Variants in BCAR3 observed in about 807,000 individuals in gnomAD.
BCAR3 encodes breast cancer anti-estrogen resistance protein 3.
A neutral mutation model predicts 80.1 loss-of-function variants in BCAR3; 37 were observed. The ratio of observed to expected loss-of-function variants is 0.46; its 90% CI spans 0.36 to 0.61. The LOEUF is 0.61. Among genes scored for constraint, BCAR3 ranks in the 20% least tolerant of loss-of-function variants. The pLI is 0.00. For synonymous variants in BCAR3, 389 were observed against 418.9 expected (o/e 0.93, Z 0.87); for missense variants, 978 against 1,068.2 (o/e 0.92, Z 1.18).
intron 2 of BCAR3, among the ~76,000 whole-genome samples, chr1:93,758,202 C>T (rs549884636): frequency 6.6e-6 from 1 of 152,320 alleles, no homozygotes; most frequent in African/African-American, 2.4e-5. Flanking sequence ...GGCAGCCTGC[C>T]TAGCATTTGT....
chr1:93,838,299 T>G (rs144237095), intron 2 of BCAR3, among the ~76,000 whole-genome samples: 1 of 152,334 alleles, frequency 6.6e-6, no homozygotes, highest in Non-Finnish European at 1.5e-5. Context: ...AGTGGACATG[T>G]GTGAAGGGGG....
chr1:93,844,101 G>A (rs1655058597), intron 2 of BCAR3, among the ~76,000 whole-genome samples: 1 of 152,200 alleles, frequency 6.6e-6, no homozygotes, highest in Non-Finnish European at 1.5e-5. Flanking sequence ...AAGGTCAGGA[G>A]TTCAAGACCT....
intron 2 of BCAR3, among the ~76,000 whole-genome samples, chr1:93,756,174 C>T (rs896574212): frequency 6.6e-6 from 1 of 152,206 alleles, no homozygotes; most frequent in Non-Finnish European, 1.5e-5. Flanking sequence ...AATTAAGCTG[C>T]TCTTTAATTG....
At chr1:93,722,110 G>A (rs375753296) in intron 2 of BCAR3, among the ~76,000 whole-genome samples, 19 of 152,214 alleles carry the variant, frequency 1.2e-4, no homozygotes, top group Non-Finnish European at 2.4e-4. Flanking sequence ...TCTCGGCCAG[G>A]TCCCATGGGG....
At chr1:93,621,702 A>G (rs977777735) in intron 3 of BCAR3, among the ~76,000 whole-genome samples, 1 of 152,152 alleles carries the variant, frequency 6.6e-6, no homozygotes, top group Non-Finnish European at 1.5e-5. Context: ...CCTTGTTTGC[A>G]TGTAATACTT....
intron 2 of BCAR3, among the ~76,000 whole-genome samples, chr1:93,825,906 C>T (rs1328866360): frequency 6.6e-6 from 1 of 152,190 alleles, no homozygotes; most frequent in Non-Finnish European, 1.5e-5. Flanking sequence ...CATCTGCTTC[C>T]CTGACCACAG....
intron 3 of BCAR3, among the ~76,000 whole-genome samples, chr1:93,699,847 A>G (rs1182222646): frequency 6.6e-6 from 1 of 152,172 alleles, no homozygotes; most frequent in Non-Finnish European, 1.5e-5. Context: ...ACACACATAC[A>G]CACAGTACAA....
chr1:93,593,399 A>G (rs1256488018), intron 3 of BCAR3, among the ~76,000 whole-genome samples: 4 of 152,200 alleles, frequency 2.6e-5, no homozygotes, highest in Non-Finnish European at 5.9e-5. Flanking sequence ...TCACTGTGCT[A>G]GAGCACAGTG....
chr1:93,562,343 A>C lies in BCAR3; in HGVS notation c.2376T>G (p.Gly792=). 1 of 1,614,088 alleles carries C rather than the reference A, an allele frequency of 6.2e-7. No individual in the cohort carries two copies. The part of the protein sequence containing the change: ...FQMRLLWGSK[G]AQVNQTERYE... Reference sequence around the variant, plus strand: ...ATCTCTCTGTCTGATTGACTTGTGCACCTTTGCTGCCCCATAGCAATCGCA... The same window carrying C: ...ATCTCTCTGTCTGATTGACTTGTGCCCCTTTGCTGCCCCATAGCAATCGCA... Residue 792 remains glycine, a synonymous_variant, in exon 12 of 12, where the codon GGT becomes GGG. Coordinates refer to ENST00000260502, the MANE Select transcript of BCAR3 (RefSeq NM_003567.4).
intron 2 of BCAR3, among the ~76,000 whole-genome samples, chr1:93,835,036 C>T (rs1031203004): frequency 1.7e-4 from 16 of 93,032 alleles, no homozygotes; most frequent in African/African-American, 9.5e-4. Context: ...GTATCTTCCA[C>T]ATCTATCGAG....
At chr1:93,635,367 A>G (rs904512666) in intron 3 of BCAR3, among the ~76,000 whole-genome samples, 7 of 152,154 alleles carry the variant, frequency 4.6e-5, no homozygotes, top group Non-Finnish European at 5.9e-5. Context: ...CACTATAAAC[A>G]TGCATATAGA....
intron 1 of BCAR3, among the ~76,000 whole-genome samples, chr1:93,676,181 T>A (rs1293265812): frequency 6.6e-6 from 1 of 152,044 alleles, no homozygotes; most frequent in African/African-American, 2.4e-5. Flanking sequence ...AATCCTCACT[T>A]AATAGCACTA....
chr1:93,687,873 A>T (rs1356169080), intron 3 of BCAR3, among the ~76,000 whole-genome samples: 1 of 152,246 alleles, frequency 6.6e-6, no homozygotes, highest in Admixed American at 6.5e-5. Context: ...CCCTAACAGT[A>T]ACAGGTAAGG....
chr1:93,713,821 A>C (rs1266978583), intron 2 of BCAR3, among the ~76,000 whole-genome samples: 1 of 152,208 alleles, frequency 6.6e-6, no homozygotes, highest in Non-Finnish European at 1.5e-5. Context: ...AATGTTAATA[A>C]ATTTCTATTT....
At chr1:93,712,316 T>C (rs1485640668) in intron 2 of BCAR3, among the ~76,000 whole-genome samples, 1 of 152,224 alleles carries the variant, frequency 6.6e-6, no homozygotes, top group African/African-American at 2.4e-5. Flanking sequence ...GTCAATGGCA[T>C]AAAGCTGAGT....
rs1429873146 is a variant in BCAR3, at chr1:93,777,427, TCC to T, written c.-63+68138_-63+68139del. Among the ~76,000 whole-genome samples, 673 of 133,710 alleles carry T rather than the reference TCC, an allele frequency of 5.0e-3. 8 individuals carry two copies. The highest frequency in any genetic ancestry group is 0.018 in the African/African-American group (596 of 33,396). 87.7% of individuals were successfully genotyped at this position (133,710 alleles called of 152,430 possible). On this transcript the variant is annotated intron_variant, in intron 2 of 13. Coordinates refer to the BCAR3 transcript ENST00000370244. ...TTCCTCCTCCTCTTCCTCCTCCTCT[TCC>T]TCCTCCTCCTCTTCCTCCTCCTCCT...
At chr1:93,835,424 C>T (rs922667694) in intron 2 of BCAR3, among the ~76,000 whole-genome samples, 4 of 152,184 alleles carry the variant, frequency 2.6e-5, no homozygotes, top group Admixed American at 2.6e-4. Flanking sequence ...TTTCCTCCTC[C>T]TCCTCTTCGG....
In BCAR3 at chr1:93,582,451, G is replaced by C; in HGVS notation, c.1536C>G (p.Val512=). ...GEFVTPLLET[V]SSFRPNEFES... ...CAAACTCGTTGGGCCTGAAGGAGGA[G>C]ACAGTCTCCAGGAGGGGCGTCACAA... Residue 512 remains valine (V), a synonymous_variant, in exon 7 of 12, where the codon GTC becomes GTG. Coordinates refer to ENST00000260502, the MANE Select transcript of BCAR3 (RefSeq NM_003567.4). 1 of 1,614,210 alleles carries C rather than the reference G, an allele frequency of 6.2e-7. No individual in the cohort carries two copies. Among genetic ancestry groups the C allele is most frequent in the East Asian group, 2.2e-5 (1 of 44,878 alleles).
chr1:93,748,962 A>G (rs11164976), intron 2 of BCAR3, among the ~76,000 whole-genome samples: 20,592 of 152,178 alleles, frequency 0.14, 2,184 homozygotes, highest in African/African-American at 0.28. Context: ...CTGGGTCCTC[A>G]AGTAGCCTCA....
Sources: gnomAD v4.1 joint callset for allele counts (sites outside exome capture counted in the v4.1 genomes callset) on GRCh38, gnomAD v4.1.1 for gene constraint, MANE v1.5 for transcripts, NCBI Gene and HGNC (gene_info 2026-07-23, HGNC 2026-07-21) for gene names.